The following TBC1D4 variants were observed in gnomAD, a reference collection of about 807,000 sequenced individuals.
The protein encoded by TBC1D4 is TBC (Tre-2, BUB2, CDC16) domain-containing protein.
Under a neutral mutation model 142.5 loss-of-function variants are expected in TBC1D4, and 121 were observed. That is an observed-to-expected ratio of 0.85 (90% CI 0.73 to 0.99). The LOEUF (loss-of-function observed/expected upper bound fraction) is 0.99. Among genes scored for constraint, TBC1D4 ranks in the 50% least tolerant of loss-of-function variants. TBC1D4 has a pLI of 0.00. For missense variants in TBC1D4, 1,475 were observed against 1,606.6 expected, an observed-to-expected ratio of 0.92 and a Z score of 1.40; for synonymous variants, 630 against 628.2, an observed-to-expected ratio of 1.00 and a Z score of -0.04.
At chr13:75,351,434 A>G in intron 4 of TBC1D4, among the ~76,000 whole-genome samples, 1 of 151,918 alleles carries the variant, frequency 6.6e-6, no homozygotes. Flanking sequence ...TATTATTATT[A>G]TACTTTTAAG....
chr13:75,382,083 A>G (rs760509429), intron 1 of TBC1D4, among the ~76,000 whole-genome samples: 7 of 99,678 alleles, frequency 7.0e-5, no homozygotes, highest in African/African-American at 1.0e-4. Flanking sequence ...TCAGGCTCTC[A>G]TTAGCTCTTT....
At chr13:75,308,189 T>C (rs1877372891) in intron 14 of TBC1D4, among the ~76,000 whole-genome samples, 1 of 152,230 alleles carries the variant, frequency 6.6e-6, no homozygotes, top group Non-Finnish European at 1.5e-5. Context: ...TTTATCTTTG[T>C]TATGTAGGCA....
At chr13:75,445,674 G>T (rs1887253172) in intron 1 of TBC1D4, among the ~76,000 whole-genome samples, 1 of 152,054 alleles carries the variant, frequency 6.6e-6, no homozygotes, top group Non-Finnish European at 1.5e-5. Flanking sequence ...ATTCATATTG[G>T]CAAAGCTTAC....
chr13:75,480,942 C>T (rs1003146987), intron 1 of TBC1D4, among the ~76,000 whole-genome samples: 1 of 152,128 alleles, frequency 6.6e-6, no homozygotes, highest in African/African-American at 2.4e-5. Context: ...CCCCAGACAC[C>T]GCCGTCCTCC....
chr13:75,398,654 G>C (rs1884925344), intron 1 of TBC1D4, among the ~76,000 whole-genome samples: 1 of 152,132 alleles, frequency 6.6e-6, no homozygotes, highest in African/African-American at 2.4e-5. Context: ...GGAATATAAA[G>C]GACCCAAAAC....
chr13:75,343,782 C>T (rs1880918702), intron 5 of TBC1D4, among the ~76,000 whole-genome samples: 1 of 152,106 alleles, frequency 6.6e-6, no homozygotes, highest in South Asian at 2.1e-4. Context: ...TCCCAAAGTG[C>T]TGGGATTACA....
chr13:75,481,533 C>A lies in TBC1D4; in HGVS notation c.235G>T (p.Ala79Ser). 6.2e-7 allele frequency: 1 copy of A among 1,602,394 alleles called. No individual in the cohort carries two copies. The highest frequency in any genetic ancestry group is 1.1e-5 in the South Asian group (1 of 90,294). ...CTGAGCACCAGGATCACCTCTCGGG[C>A]CGCCGGCGCCCCGCAGCCGCCCGCC... ...PEAGGCGAPA[A>S]REVILVLSAP... Residue 79 changes from alanine to serine, a missense_variant, in exon 1 of 21, where the codon GCC (alanine) becomes TCC (serine). By Grantham distance (99) the Ala-to-Ser change is moderately conservative (BLOSUM62 1). Coordinates refer to ENST00000377636, the MANE Select transcript of TBC1D4 (RefSeq NM_014832.5).
intron 18 of TBC1D4, among the ~76,000 whole-genome samples, chr13:75,294,550 C>G (rs868551251): frequency 6.6e-6 from 1 of 152,176 alleles, no homozygotes; most frequent in Non-Finnish European, 1.5e-5. Context: ...CAGTCTGTCC[C>G]TAGTCCAGAT....
chr13:75,463,180 G>A (rs201739312), intron 1 of TBC1D4, among the ~76,000 whole-genome samples: 3 of 150,918 alleles, frequency 2.0e-5, no homozygotes, highest in Non-Finnish European at 3.0e-5. Context: ...TAACACTATA[G>A]AAAAAAAAAG....
At chr13:75,317,666 A>G (rs1023069708) in intron 12 of TBC1D4, among the ~76,000 whole-genome samples, 3 of 152,222 alleles carry the variant, frequency 2.0e-5, no homozygotes, top group African/African-American at 7.2e-5. Flanking sequence ...TTCCCAAGAT[A>G]CATATTCAGG....
At chr13:75,347,214 G>A (rs1215820610) in intron 5 of TBC1D4, among the ~76,000 whole-genome samples, 1 of 151,868 alleles carries the variant, frequency 6.6e-6, no homozygotes, top group Non-Finnish European at 1.5e-5. Context: ...GTATCTTATT[G>A]TTGTTTCCAT....
chr13:75,344,523 C>T (rs1049472225), intron 5 of TBC1D4, among the ~76,000 whole-genome samples: 1 of 152,080 alleles, frequency 6.6e-6, no homozygotes, highest in Non-Finnish European at 1.5e-5. Context: ...ATATTATCCA[C>T]TATGCATGTT....
chr13:75,437,189 G>T (rs1017183892), intron 1 of TBC1D4, among the ~76,000 whole-genome samples: 2 of 152,180 alleles, frequency 1.3e-5, no homozygotes, highest in African/African-American at 4.8e-5. Flanking sequence ...TCTGAATGGG[G>T]TCTGTGGATT....
chr13:75,353,393 A>T (rs936076341), intron 4 of TBC1D4, among the ~76,000 whole-genome samples: 6 of 152,218 alleles, frequency 3.9e-5, no homozygotes, highest in Non-Finnish European at 4.4e-5. Flanking sequence ...AGAGTAATGC[A>T]GTCATTCAAT....
At position 75,283,717 on chromosome 13, in the gene TBC1D4, G is replaced by C. The variant is rs1874465241; in HGVS notation, c.*3075C>G. ...GGGTAGAATGCAAATCTGTCAATGT[G>C]GTTGCTTATATTTTTCTTTCAAAAG... On this transcript the variant is annotated 3_prime_UTR_variant, in exon 21 of 21. Coordinates refer to ENST00000377636, the MANE Select transcript of TBC1D4 (RefSeq NM_014832.5). 2.0e-5 allele frequency among the ~76,000 whole-genome samples: 3 copies of C among 152,096 alleles called. No homozygotes were observed. Among genetic ancestry groups the C allele is most frequent in the African/African-American group, 7.2e-5 (3 of 41,420 alleles).
intron 1 of TBC1D4, among the ~76,000 whole-genome samples, chr13:75,407,056 A>C (rs1008251964): frequency 2.0e-5 from 3 of 152,170 alleles, no homozygotes; most frequent in East Asian, 1.9e-4. Context: ...AAAGCTTCAG[A>C]AGTGTTTCCG....
At chr13:75,454,256 T>A (rs1887642856) in intron 1 of TBC1D4, among the ~76,000 whole-genome samples, 1 of 152,108 alleles carries the variant, frequency 6.6e-6, no homozygotes, top group Non-Finnish European at 1.5e-5. Flanking sequence ...ATATTAGTGA[T>A]CTTTCTGCCT....
At chr13:75,307,938 T>G (rs1224025953) in intron 14 of TBC1D4, among the ~76,000 whole-genome samples, 1 of 152,230 alleles carries the variant, frequency 6.6e-6, no homozygotes, top group Non-Finnish European at 1.5e-5. Flanking sequence ...CTTTACTAAT[T>G]ATTTTCTTCA....
chr13:75,431,949 A>G (rs947201810), intron 1 of TBC1D4, among the ~76,000 whole-genome samples: 1 of 152,218 alleles, frequency 6.6e-6, no homozygotes, highest in Non-Finnish European at 1.5e-5. Flanking sequence ...AAGAATGGAC[A>G]TTTTAGAAGA....
Sources: gnomAD v4.1 joint callset for allele counts (sites outside exome capture counted in the v4.1 genomes callset) on GRCh38, gnomAD v4.1.1 for gene constraint, MANE v1.5 for transcripts, NCBI Gene and HGNC (gene_info 2026-07-23, HGNC 2026-07-21) for gene names.